The following PARD3B variants were observed in gnomAD, a reference collection of about 807,000 sequenced individuals.
PARD3B encodes par-3 family cell polarity regulator beta, also known as partitioning defective 3 homolog B.
Under a neutral mutation model 130.2 loss-of-function variants are expected in PARD3B, and 103 were observed. The ratio of observed to expected loss-of-function variants is 0.79; its 90% CI spans 0.67 to 0.93. The LOEUF is 0.93. Among genes scored for constraint, PARD3B ranks in the 40% least tolerant of loss-of-function variants. The pLI is 0.00. For synonymous variants in PARD3B, 583 were observed against 553.2 expected (o/e 1.05, Z -0.76); for missense variants, 1,609 against 1,499.2 (o/e 1.07, Z -1.21).
chr2:204,652,977 A>G (rs566487222), intron 1 of PARD3B, among the ~76,000 whole-genome samples: 17 of 151,070 alleles, frequency 1.1e-4, no homozygotes, highest in Non-Finnish European at 1.8e-4. Context: ...CCATTATTCA[A>G]TCACCTCCCA....
rs1049611076 is a variant in PARD3B, at chr2:205,470,116, G to A, written c.3044+29444G>A. ...CTTTCCTCACCTACAGACACACAGG[G>A]TGGAACTAAGTGATCTCAGCATTTT... On this transcript the variant is annotated intron_variant, in intron 20 of 22. Coordinates refer to ENST00000406610, the MANE Select transcript of PARD3B (RefSeq NM_001302769.2). The surrounding 1 kb of genome is among the most constrained non-coding windows in gnomAD (Gnocchi z 4.8). 6.6e-6 allele frequency among the ~76,000 whole-genome samples: 1 copy of A among 152,134 alleles called. No homozygotes were observed. Among genetic ancestry groups the A allele is most frequent in the African/African-American group, 2.4e-5 (1 of 41,416 alleles).
At chr2:205,365,179 G>A (rs571479592) in intron 18 of PARD3B, among the ~76,000 whole-genome samples, 2 of 137,598 alleles carry the variant, frequency 1.5e-5, no homozygotes, top group Non-Finnish European at 3.1e-5. Flanking sequence ...CAGCCTGGGA[G>A]ACAAGAGTAA....
chr2:205,121,968 C>G lies in PARD3B; in HGVS notation c.1165+19C>G. On this transcript the variant is annotated intron_variant, in intron 8 of 22. Coordinates refer to ENST00000406610, the MANE Select transcript of PARD3B (RefSeq NM_001302769.2). This position sits in a 1 kb window ranked among gnomAD's most constrained non-coding sequence, Gnocchi z 5.0. ...AAGAAAGGTAATTATTAAATTATGC[C>G]TAATAGCATTCTATTATTGTAACAT... The G allele has an allele frequency of 6.4e-7, 1 of 1,556,244 alleles. No homozygotes were observed. Among genetic ancestry groups the G allele is most frequent in the Non-Finnish European group, 8.8e-7 (1 of 1,140,058 alleles).
At chr2:204,927,376 G>A (rs1277397336) in intron 2 of PARD3B, among the ~76,000 whole-genome samples, 2 of 152,120 alleles carry the variant, frequency 1.3e-5, no homozygotes, top group African/African-American at 2.4e-5. Flanking sequence ...CAAGGGTGCA[G>A]CGAGAAGTCA....
intron 1 of PARD3B, among the ~76,000 whole-genome samples, chr2:204,561,172 C>T (rs1574463218): frequency 6.6e-6 from 1 of 152,084 alleles, no homozygotes; most frequent in Non-Finnish European, 1.5e-5. Flanking sequence ...ATCCTGAGTT[C>T]GTAAAGATGC....
intron 18 of PARD3B, among the ~76,000 whole-genome samples, chr2:205,315,001 C>A (rs1245718832): frequency 6.6e-6 from 1 of 152,148 alleles, no homozygotes; most frequent in African/African-American, 2.4e-5. Context: ...CCACTGCCAC[C>A]ACTCTAATTC....
At chr2:205,036,150 TA>T (rs1365615710) in intron 3 of PARD3B, among the ~76,000 whole-genome samples, 3 of 145,862 alleles carry the variant, frequency 2.1e-5, no homozygotes, top group East Asian at 2.0e-4. Context: ...TATATATATA[TA>T]AAAAATATGT....
At chr2:205,479,503 A>G (rs1413792509) in intron 20 of PARD3B, among the ~76,000 whole-genome samples, 2 of 152,206 alleles carry the variant, frequency 1.3e-5, no homozygotes, top group Admixed American at 1.3e-4. Context: ...AGTACAAAGC[A>G]CTGAGGGAAT....
At chr2:205,006,273 G>T (rs188436101) in intron 3 of PARD3B, among the ~76,000 whole-genome samples, 1 of 152,122 alleles carries the variant, frequency 6.6e-6, no homozygotes, top group Non-Finnish European at 1.5e-5. Context: ...TGCTGTAAAC[G>T]TGTGTATATG....
intron 21 of PARD3B, among the ~76,000 whole-genome samples, chr2:205,528,726 G>A (rs756603171): frequency 1.2e-4 from 18 of 152,152 alleles, no homozygotes; most frequent in African/African-American, 3.4e-4. Flanking sequence ...TCTTGACCTC[G>A]TGATCAGCCC....
At chr2:204,663,100 T>G (rs146968749) in intron 1 of PARD3B, among the ~76,000 whole-genome samples, 1 of 152,336 alleles carries the variant, frequency 6.6e-6, no homozygotes. Context: ...TAATTCCTTA[T>G]CCCAGTTCGC....
intron 3 of PARD3B, among the ~76,000 whole-genome samples, chr2:205,013,265 C>A (rs570916391): frequency 1.3e-5 from 2 of 152,254 alleles, no homozygotes; most frequent in South Asian, 4.2e-4. Flanking sequence ...TTGCTTTCTA[C>A]GGTGCTCTTT....
At chr2:205,108,244 G>A (rs1703364225) in intron 5 of PARD3B, among the ~76,000 whole-genome samples, 1 of 152,060 alleles carries the variant, frequency 6.6e-6, no homozygotes, top group Admixed American at 6.6e-5. Flanking sequence ...CTCCCTTGTG[G>A]TTCCCTTTTC....
At chr2:205,610,272 C>A (rs965391258) in intron 22 of PARD3B, among the ~76,000 whole-genome samples, 3 of 152,202 alleles carry the variant, frequency 2.0e-5, no homozygotes, top group African/African-American at 7.2e-5. Context: ...CATCAGCCCT[C>A]AAGCCCAGGT....
At chr2:205,062,084 T>G (rs896974310) in intron 4 of PARD3B, among the ~76,000 whole-genome samples, 1 of 152,054 alleles carries the variant, frequency 6.6e-6, no homozygotes, top group Non-Finnish European at 1.5e-5. Context: ...TGACTCACCT[T>G]CCTCACTTGT....
intron 22 of PARD3B, among the ~76,000 whole-genome samples, chr2:205,579,727 C>T (rs1298828723): frequency 1.3e-5 from 2 of 152,198 alleles, no homozygotes; most frequent in Non-Finnish European, 2.9e-5. Flanking sequence ...ATTGAAACGA[C>T]AGCATATTCT....
chr2:204,998,203 G>A (rs1214049466), intron 3 of PARD3B, among the ~76,000 whole-genome samples: 2 of 148,192 alleles, frequency 1.3e-5, no homozygotes, highest in Non-Finnish European at 3.0e-5. Flanking sequence ...TAGCATTAGG[G>A]GAAATACCTA....
intron 19 of PARD3B, among the ~76,000 whole-genome samples, chr2:205,428,401 A>AG (rs1190871336): frequency 6.6e-6 from 1 of 152,136 alleles, no homozygotes; most frequent in African/African-American, 2.4e-5. Context: ...TAAAATAAAA[A>AG]GAGGCCCCAG....
At chr2:204,700,111 C>A (rs1216303036) in intron 2 of PARD3B, among the ~76,000 whole-genome samples, 1 of 152,016 alleles carries the variant, frequency 6.6e-6, no homozygotes, top group Non-Finnish European at 1.5e-5. Flanking sequence ...TAAATCTTTG[C>A]TGTTTGTTAG....
Sources: allele counts gnomAD v4.1 joint callset (sites outside exome capture counted in the v4.1 genomes callset), GRCh38; gene constraint gnomAD v4.1.1; non-coding constraint Gnocchi (gnomAD v3.1); transcripts MANE v1.5; gene names NCBI Gene and HGNC (gene_info 2026-07-23, HGNC 2026-07-21).